The following ZNF324B variants were observed in gnomAD, a reference collection of about 807,000 sequenced individuals.
ZNF324B encodes zinc finger protein 324B.
A neutral mutation model predicts 10.6 loss-of-function variants in ZNF324B; 7 were observed. The ratio of observed to expected loss-of-function variants is 0.66; its 90% CI spans 0.38 to 1.24. The LOEUF (loss-of-function observed/expected upper bound fraction) is 1.24, where lower values mean the gene tolerates loss of function less well. ZNF324B is among the 50% of genes most tolerant of loss of function. The pLI is 0.02. For synonymous variants in ZNF324B, 316 were observed against 321.0 expected (o/e 0.98, Z 0.17); for missense variants, 640 against 764.7 (o/e 0.84, Z 1.92).
At chr19:58,432,602 A>G in the ZNF324B span, among the ~76,000 whole-genome samples, 1 of 152,174 alleles carries the variant, frequency 6.6e-6, no homozygotes, top group Non-Finnish European at 1.5e-5. Context: ...TCTGGGCCCT[A>G]CGGTAACTGA....
the ZNF324B span, among the ~76,000 whole-genome samples, chr19:58,427,366 CTTT>C: frequency 2.6e-3 from 110 of 41,848 alleles, 2 homozygotes; most frequent in African/African-American, 4.9e-3. Flanking sequence ...TTCTTTCTTT[CTTT>C]CTTTCTTTCT....
chr19:58,435,170 G>A, the ZNF324B span: 2 of 1,614,120 alleles, frequency 1.2e-6, no homozygotes, highest in East Asian at 2.2e-5. Context: ...GAAACATTCT[G>A]CTTGGGATGG....
chr19:58,427,418 C>T, the ZNF324B span, among the ~76,000 whole-genome samples: 1 of 26,678 alleles, frequency 3.7e-5, no homozygotes. Context: ...TTCCTTCCTT[C>T]CTTCCTTCCT....
the ZNF324B span, among the ~76,000 whole-genome samples, chr19:58,425,662 C>T: frequency 6.6e-6 from 1 of 151,134 alleles, no homozygotes; most frequent in African/African-American, 2.4e-5. Context: ...ATAGAAACGC[C>T]GTTTCACCAT....
chr19:58,436,972 G>T, the ZNF324B span: 4 of 1,602,780 alleles, frequency 2.5e-6, no homozygotes, highest in Admixed American at 1.7e-5. Context: ...TCTGGCTTTG[G>T]GATGAACAGA....
upstream of ZNF324B, among the ~76,000 whole-genome samples, chr19:58,449,825 T>C (rs1421956196): frequency 6.6e-6 from 1 of 152,200 alleles, no homozygotes; most frequent in Non-Finnish European, 1.5e-5. Context: ...GGGAATTGCC[T>C]TGTCTCAGAT....
chr19:58,426,502 G>A, the ZNF324B span, among the ~76,000 whole-genome samples: 1 of 152,204 alleles, frequency 6.6e-6, no homozygotes, highest in Non-Finnish European at 1.5e-5. Flanking sequence ...CAATTTATTA[G>A]CAGTAGGAGT....
the ZNF324B span, among the ~76,000 whole-genome samples, chr19:58,421,984 C>G: frequency 6.6e-6 from 1 of 152,158 alleles, no homozygotes; most frequent in Non-Finnish European, 1.5e-5. Flanking sequence ...GTGGTGCAAT[C>G]TTTTCTCACT....
the ZNF324B span, among the ~76,000 whole-genome samples, chr19:58,422,049 CT>C: frequency 3.2e-4 from 49 of 152,156 alleles, no homozygotes; most frequent in Non-Finnish European, 1.6e-4. Context: ...CCCCAAGTAG[CT>C]GGGACTACAG....
chr19:58,439,754 C>T, the ZNF324B span: 1 of 1,534,560 alleles, frequency 6.5e-7, no homozygotes, highest in Non-Finnish European at 8.8e-7. Flanking sequence ...GCACACTCCA[C>T]TTACCTGCGC....
chr19:58,440,462 C>T, the ZNF324B span: 1 of 152,966 alleles, frequency 6.5e-6, no homozygotes, highest in Non-Finnish European at 1.5e-5. Context: ...CTTCCGTCGT[C>T]GTCCTCGGAC....
At chr19:58,448,659 G>A (rs553500495), upstream of ZNF324B, among the ~76,000 whole-genome samples, 29 of 152,284 alleles carry the variant, frequency 1.9e-4, no homozygotes, top group South Asian at 5.6e-3. Context: ...CCTAGGAGGC[G>A]GAGCTTGCAG....
Position 58,455,759 on chromosome 19 carries a change from T to C in ZNF324B, c.815T>C (p.Leu272Pro). 1 of 1,613,984 alleles carries C rather than the reference T, an allele frequency of 6.2e-7. No homozygotes were observed. The highest frequency in any genetic ancestry group is 8.5e-7 in the Non-Finnish European group (1 of 1,179,998). The change falls in exon 4 of 4, where the codon CTC (leucine) becomes CCC (proline). Residue 272 changes from leucine to proline, a missense_variant. By Grantham distance (98) the Leu-to-Pro change is moderately conservative (BLOSUM62 -3). This residue lies in a region of ZNF324B where 345 missense variants were observed against 387.9 expected (regional missense o/e 0.89). Coordinates refer to ENST00000336614, the MANE Select transcript of ZNF324B (RefSeq NM_207395.3). The surrounding 1 kb of genome is among the most constrained non-coding windows in gnomAD (Gnocchi z 7.0). ...AAAGTGTTCGTGAAGAGCTCCGACC[T>C]CCTCAAGCACCTACGCACCCACACC... is the stretch of plus-strand genomic sequence containing the variant. Reference protein sequence around the residue: ...CSKVFVKSSDLLKHLRTHTGE... With the variant: ...CSKVFVKSSDPLKHLRTHTGE...
the ZNF324B span, among the ~76,000 whole-genome samples, chr19:58,427,349 C>CCTTCTTTCTTTCTTT: frequency 1.8e-5 from 1 of 55,960 alleles, no homozygotes; most frequent in Non-Finnish European, 3.5e-5. Context: ...CTTTCTCTTT[C>CCTTCTTTCTTTCTTT]CTTTCTTTCT....
chr19:58,441,580 T>C, the ZNF324B span: 3 of 152,258 alleles, frequency 2.0e-5, no homozygotes, highest in African/African-American at 7.2e-5. Flanking sequence ...TCATGGAAGA[T>C]TAGCGATGGA....
chr19:58,451,758 G>C (rs1032435573), intron 1 of ZNF324B, 54 bp downstream of exon 1: 2 of 395,860 alleles, frequency 5.1e-6, no homozygotes, highest in Non-Finnish European at 9.8e-6. Context: ...CTTCGAGTAT[G>C]ACGTGGTCGG....
the ZNF324B span, among the ~76,000 whole-genome samples, chr19:58,437,520 T>C: frequency 6.6e-6 from 1 of 152,160 alleles, no homozygotes; most frequent in Non-Finnish European, 1.5e-5. Flanking sequence ...CAATTTTCCT[T>C]GTGTCTTCTG....
chr19:58,446,737 C>T (rs558546063), upstream of ZNF324B, among the ~76,000 whole-genome samples: 9 of 151,270 alleles, frequency 5.9e-5, no homozygotes, highest in South Asian at 2.1e-4. Flanking sequence ...CCACCTCGCC[C>T]GGCTAATTTT....
chr19:58,433,184 G>C, the ZNF324B span: 1 of 896,224 alleles, frequency 1.1e-6, no homozygotes, highest in Non-Finnish European at 1.7e-6. Flanking sequence ...TCCTGGGCTG[G>C]TCAGAAACAG....
Sources: gnomAD v4.1 joint callset for allele counts (sites outside exome capture counted in the v4.1 genomes callset) on GRCh38, gnomAD v4.1.1 for gene constraint, gnomAD v4.1.1 regional missense constraint, Gnocchi (gnomAD v3.1) non-coding constraint, MANE v1.5 for transcripts, NCBI Gene and HGNC (gene_info 2026-07-23, HGNC 2026-07-21) for gene names.